The following GPA33 variants were observed in gnomAD, a reference collection of about 807,000 sequenced individuals.
GPA33 encodes cell surface A33 antigen.
Under a neutral mutation model 35.6 loss-of-function variants are expected in GPA33, and 27 were observed. The ratio of observed to expected loss-of-function variants is 0.76; its 90% confidence interval spans 0.56 to 1.04. The LOEUF (loss-of-function observed/expected upper bound fraction) is 1.04. GPA33 is among the 50% of genes least tolerant of loss of function. The probability of loss-of-function intolerance (pLI) is 0.00; values close to 1 mark genes in which losing one functional copy is unlikely to be tolerated. For synonymous variants in GPA33, 176 were observed against 164.0 expected, an observed-to-expected ratio of 1.07 and a Z score of -0.56; for missense variants, 428 against 411.9, an observed-to-expected ratio of 1.04 and a Z score of -0.34.
intron 1 of GPA33, among the ~76,000 whole-genome samples, chr1:167,074,062 G>A (rs1666775817): frequency 6.6e-6 from 1 of 150,620 alleles, no homozygotes; most frequent in African/African-American, 2.5e-5. Flanking sequence ...TTATATCGAG[G>A]TAAAGAGATG....
At chr1:167,054,949 C>T (rs371212925) in intron 6 of GPA33, 27 bp downstream of exon 6, 1 of 1,613,526 alleles carries the variant, frequency 6.2e-7, no homozygotes, top group African/African-American at 1.3e-5. Context: ...CAGACCCTTC[C>T]AACAGGCTAC....
At chr1:167,077,638 G>T (rs972828925) in intron 1 of GPA33, among the ~76,000 whole-genome samples, 1 of 152,156 alleles carries the variant, frequency 6.6e-6, no homozygotes, top group African/African-American at 2.4e-5. Flanking sequence ...AAATCAAAGA[G>T]AACCAACCCA....
At position 167,054,480 on chromosome 1, in the gene GPA33, G is replaced by A. The variant is rs1346757395; in HGVS notation, c.828-14C>T. 3 of 1,613,932 alleles carry A rather than the reference G, an allele frequency of 1.9e-6. No individual in the cohort carries two copies. The highest frequency in any genetic ancestry group is 2.5e-6 in the Non-Finnish European group (3 of 1,179,986). ...GCTTCCCGGTTCCTGCAGGGCAGCA[G>A]GGGACAGAGGGGAAGGATTTGCTCT... On this transcript the variant is annotated splice_polypyrimidine_tract_variant and intron_variant, in intron 6 of 6. Transcript: ENST00000367868.
chr1:167,077,370 C>G (rs1335113772), intron 1 of GPA33, among the ~76,000 whole-genome samples: 1 of 152,126 alleles, frequency 6.6e-6, no homozygotes, highest in Non-Finnish European at 1.5e-5. Context: ...CTGGTGTAGT[C>G]ATGGCAACTG....
chr1:167,059,452 T>G (rs1348695491), intron 4 of GPA33, among the ~76,000 whole-genome samples: 1 of 152,046 alleles, frequency 6.6e-6, no homozygotes, highest in Non-Finnish European at 1.5e-5. Flanking sequence ...AATGTCACGT[T>G]GACAAGACCT....
chr1:167,054,398 T>A lies in GPA33; in HGVS notation c.896A>T (p.Asp299Val). Residue 299 changes from aspartate to valine, a missense_variant, in exon 7 of 7, where the codon GAT becomes GTT. By Grantham distance (152) the Asp-to-Val change is radical (BLOSUM62 -3). Coordinates refer to ENST00000367868, the MANE Select transcript of GPA33 (RefSeq NM_005814.3). ...RELSREREEE[D>V]DYRQEEQRST... ...CCTCTGCTCTTCTTGCCTGTAGTCA[T>A]CCTCCTCCTCCCTCTCTCTGGAAAG... is the stretch of plus-strand genomic sequence containing the variant. The A allele has an allele frequency of 6.2e-7, 1 of 1,613,890 alleles. No individual in the cohort carries two copies.
rs1571314530 is a variant in GPA33 at position 167,073,464 on chromosome 1, G to T, written c.119C>A (p.Thr40Asn). 6.2e-7 allele frequency: 1 copy of T among 1,612,248 alleles called. No homozygotes were observed. The highest frequency in any genetic ancestry group is 2.2e-5 in the East Asian group (1 of 44,844). ...VLRASQGKSV[T>N]LPCTYHTSTS... ...GGAAGTGTGGTAGGTGCAGGGCAGG[G>T]TGACACTCTTTCCCTGCGAAGCCCG... is the stretch of plus-strand genomic sequence containing the variant. The change falls in exon 2 of 7, where the codon ACC becomes AAC. Residue 40 changes from threonine to asparagine, a missense_variant. Physicochemically the swap from Thr to Asn is moderately conservative, Grantham distance 65. Coordinates refer to ENST00000367868, the MANE Select transcript of GPA33 (RefSeq NM_005814.3).
chr1:167,073,581 C>G (rs746351358), intron 1 of GPA33, 42 bp from the exon 2 acceptor site: 6 of 1,567,140 alleles, frequency 3.8e-6, no homozygotes, highest in Middle Eastern at 3.8e-4. Context: ...GTAAGCGACA[C>G]GGACAGACAT....
At chr1:167,073,686 G>A in intron 1 of GPA33, 147 bp from the exon 2 acceptor site, 1 of 657,156 alleles carries the variant, frequency 1.5e-6, no homozygotes, top group Non-Finnish European at 2.6e-6. Flanking sequence ...CCTTGGCCCT[G>A]GCAACCAGCT....
chr1:167,070,486 G>A (rs762124707), intron 2 of GPA33, among the ~76,000 whole-genome samples: 20 of 152,186 alleles, frequency 1.3e-4, no homozygotes, highest in Non-Finnish European at 2.5e-4. Context: ...TTCACATGAT[G>A]TTTAAGTAAA....
Position 167,055,784 on chromosome 1 carries a change from A to G in GPA33, c.637T>C (p.Ser213Pro), listed in dbSNP as rs902455474. ...TDTSGYYICT[S>P]SNEEGTQFCN... ...AACTGCGTCCCCTCCTCATTGCTGG[A>G]GGTACAGATGTAGTAACCCGATGTG... Residue 213 changes from serine (S) to proline (P), a missense_variant, in exon 5 of 7, where the codon TCC (serine) becomes CCC (proline). Physicochemically the swap from Ser to Pro is moderately conservative, Grantham distance 74 (BLOSUM62 -1). Coordinates refer to ENST00000367868, the MANE Select transcript of GPA33 (RefSeq NM_005814.3). The G allele has an allele frequency of 2.2e-5, 35 of 1,613,730 alleles. No homozygotes were observed. In the East Asian group the frequency reaches 7.8e-4, roughly 36 times the overall value.
intron 2 of GPA33, among the ~76,000 whole-genome samples, chr1:167,072,673 T>C (rs1219435645): frequency 2.6e-5 from 4 of 152,178 alleles, no homozygotes; most frequent in African/African-American, 9.7e-5. Context: ...CCTTCATAAA[T>C]TGAAATGCCT....
chr1:167,077,996 T>C (rs745521178), intron 1 of GPA33, among the ~76,000 whole-genome samples: 4 of 152,258 alleles, frequency 2.6e-5, no homozygotes, highest in African/African-American at 7.2e-5. Flanking sequence ...TGGCAAGTCC[T>C]TCAGATAGAG....
rs551273699 is a variant in GPA33 at position 167,055,712 on chromosome 1, C to T, written c.691+18G>A. On this transcript the variant is annotated intron_variant, in intron 5 of 6. Coordinates refer to ENST00000367868, the MANE Select transcript of GPA33 (RefSeq NM_005814.3). ...TCCTGTGGCGTTTGTCAGCCCTCCCCCCGCAGGCTGCTCTTACGAGATCTG... is the reference window on the plus strand; with the variant it reads ...TCCTGTGGCGTTTGTCAGCCCTCCCTCCGCAGGCTGCTCTTACGAGATCTG... The T allele has an allele frequency of 1.9e-6, 3 of 1,613,298 alleles. No homozygotes were observed. The highest frequency in any genetic ancestry group is 2.5e-6 in the Non-Finnish European group (3 of 1,179,682).
intron 1 of GPA33, among the ~76,000 whole-genome samples, chr1:167,078,383 G>C (rs910298985): frequency 3.9e-5 from 6 of 152,164 alleles, no homozygotes; most frequent in African/African-American, 1.4e-4. Context: ...AACTCAGTGT[G>C]ACCTTTATGT....
chr1:167,078,588 C>T (rs910190427), intron 1 of GPA33: 2 of 152,280 alleles, frequency 1.3e-5, no homozygotes, highest in African/African-American at 4.8e-5. Flanking sequence ...ACTCCTACCA[C>T]TCGTTCATTC....
chr1:167,061,586 G>GTTTTTTTTT (rs397981830), intron 4 of GPA33, among the ~76,000 whole-genome samples: 5 of 74,626 alleles, frequency 6.7e-5, no homozygotes, highest in African/African-American at 1.7e-4. Context: ...TCTACTAACT[G>GTTTTTTTTT]TTTTTTTTTT....
intron 4 of GPA33, among the ~76,000 whole-genome samples, chr1:167,061,481 G>A (rs962307023): frequency 1.3e-5 from 2 of 151,026 alleles, no homozygotes; most frequent in South Asian, 2.1e-4. Context: ...AGACACACTC[G>A]ATAAAAAGTT....
chr1:167,061,814 G>C lies in GPA33; in HGVS notation c.571+1768C>G, dbSNP rs187062218. Reference sequence around the variant, plus strand: ...AGACGGGGTTTCACCGTGTTAGCCAGGATGGTCTCGATCTCCTGACCTCGT... The same window carrying C: ...AGACGGGGTTTCACCGTGTTAGCCACGATGGTCTCGATCTCCTGACCTCGT... On this transcript the variant is annotated intron_variant, in intron 4 of 6. Coordinates refer to ENST00000367868, the MANE Select transcript of GPA33 (RefSeq NM_005814.3). Among the ~76,000 whole-genome samples, 394 of 152,184 alleles carry C rather than the reference G, an allele frequency of 2.6e-3. 3 individuals carry two copies. The highest frequency in any genetic ancestry group is 9.0e-3 in the African/African-American group (372 of 41,540).
Sources: gnomAD v4.1 joint callset for allele counts (sites outside exome capture counted in the v4.1 genomes callset) on GRCh38, gnomAD v4.1.1 for gene constraint, MANE v1.5 for transcripts, NCBI Gene and HGNC (gene_info 2026-07-23, HGNC 2026-07-21) for gene names.